The following NPAS2 variants were observed in gnomAD, a reference collection of about 807,000 sequenced individuals.
NPAS2 encodes neuronal PAS domain-containing protein 2.
In NPAS2, 23 loss-of-function variants were observed where a neutral mutation model predicts 107.5. That is an observed-to-expected ratio of 0.21 (90% CI 0.15 to 0.30). The LOEUF (loss-of-function observed/expected upper bound fraction) is 0.30. Among genes scored for constraint, NPAS2 ranks in the 10% least tolerant of loss-of-function variants. The pLI is 1.00. For missense variants in NPAS2, 756 were observed against 1,043.3 expected (o/e 0.72, Z 3.79); for synonymous variants, 403 against 417.5 (o/e 0.97, Z 0.42).
intron 2 of NPAS2, among the ~76,000 whole-genome samples, chr2:100,914,772 A>C (rs926761318): frequency 6.6e-6 from 1 of 152,204 alleles, no homozygotes; most frequent in African/African-American, 2.4e-5. Context: ...GGATCTTGGT[A>C]AGATGGAGTT....
At chr2:100,838,493 G>A (rs998717600) in intron 1 of NPAS2, among the ~76,000 whole-genome samples, 2 of 152,078 alleles carry the variant, frequency 1.3e-5, no homozygotes, top group Non-Finnish European at 2.9e-5. Flanking sequence ...ACCCAGGCTG[G>A]TCTCGAATTC....
At chr2:100,898,451 G>A (rs886594523) in intron 1 of NPAS2, among the ~76,000 whole-genome samples, 5 of 152,276 alleles carry the variant, frequency 3.3e-5, no homozygotes, top group African/African-American at 1.2e-4. Flanking sequence ...TAAGAACAAC[G>A]TTGGAAGGCC....
chr2:100,904,709 TA>T, intron 1 of NPAS2, 23 bp from the exon 2 acceptor site: 2 of 1,408,836 alleles, frequency 1.4e-6, no homozygotes, highest in Non-Finnish European at 1.9e-6. Context: ...CCATTCTTTT[TA>T]ATTTTTTTTT....
intron 7 of NPAS2, among the ~76,000 whole-genome samples, chr2:100,958,202 G>T (rs986025779): frequency 1.3e-5 from 2 of 152,040 alleles, no homozygotes; most frequent in African/African-American, 4.8e-5. Flanking sequence ...TTACCTACTC[G>T]CCTCTAACCG....
chr2:100,940,317 C>A (rs1451353070), intron 5 of NPAS2, among the ~76,000 whole-genome samples: 1 of 152,196 alleles, frequency 6.6e-6, no homozygotes, highest in Non-Finnish European at 1.5e-5. Context: ...CTTTCTGGTG[C>A]CCAGGATTTG....
rs373640373 is a variant in NPAS2 at position 100,990,417 on chromosome 2, C to T, written c.1989C>T (p.Ser663=). Residue 663 remains serine (S), a synonymous_variant, in exon 18 of 21, where the codon AGC becomes AGT. Coordinates refer to ENST00000335681, the MANE Select transcript of NPAS2 (RefSeq NM_002518.4). ...AGGATGCCAGCCAGTGCCAGCCCAG[C>T]CCAGACTTCAGCCATGATCGGCAGC... is the stretch of plus-strand genomic sequence containing the variant. ...TSQDASQCQP[S]PDFSHDRQLR... 1.2e-6 allele frequency: 2 copies of T among 1,614,196 alleles called. No individual in the cohort carries two copies.
intron 5 of NPAS2, among the ~76,000 whole-genome samples, chr2:100,945,619 GC>G (rs1464407387): frequency 6.6e-6 from 1 of 152,162 alleles, no homozygotes; most frequent in Non-Finnish European, 1.5e-5. Context: ...TCTCATCTGG[GC>G]CCTGCTTCCC....
At chr2:100,830,344 A>G (rs147892301) in intron 1 of NPAS2, among the ~76,000 whole-genome samples, 23 of 152,248 alleles carry the variant, frequency 1.5e-4, no homozygotes, top group East Asian at 9.7e-4. Flanking sequence ...TTTTTATACT[A>G]TAAGTTCTAG....
Position 100,937,812 on chromosome 2 carries a change from C to T in NPAS2, c.333C>T (p.Asp111=). The T allele has an allele frequency of 6.2e-7, 1 of 1,614,094 alleles. No individual in the cohort carries two copies. The highest frequency in any genetic ancestry group is 2.2e-5 in the East Asian group (1 of 44,880). Residue 111 remains aspartate (D), a synonymous_variant, in exon 5 of 21, where the codon GAC becomes GAT. Transcript: ENST00000335681. ...ACGGCAGCATCATCTATGTCTCTGA[C>T]AGTATCACGCCTCTCCTTGGGCATT... ...TTDGSIIYVS[D]SITPLLGHLP...
At position 100,948,197 on chromosome 2, in the gene NPAS2, G is replaced by A. The variant is rs748065624; in HGVS notation, c.364-38G>A. 72 of 1,600,502 alleles carry A rather than the reference G, an allele frequency of 4.5e-5. 1 individual carries two copies. In the South Asian group the frequency reaches 5.4e-4, roughly 12 times the overall value. On this transcript the variant is annotated intron_variant, in intron 5 of 20. Coordinates refer to ENST00000335681, the MANE Select transcript of NPAS2 (RefSeq NM_002518.4). ...GTTTTTGCTTCTGTTTTTCATCTTC[G>A]TTGAGGGTGTACCTTTGTCCTTTAT... is the stretch of plus-strand genomic sequence containing the variant.
rs1347368519 is a variant in NPAS2 at position 100,968,541 on chromosome 2, C to A, written c.1055+113C>A. ...GATCAGCAGTCACTCAGGTGTTCCCCATTTCGAAGATGAAGCCCAGGCCAT... is the reference window on the plus strand; with the variant it reads ...GATCAGCAGTCACTCAGGTGTTCCCAATTTCGAAGATGAAGCCCAGGCCAT... On this transcript the variant is annotated intron_variant, in intron 11 of 20. Transcript: ENST00000335681. The surrounding 1 kb of genome is among the most constrained non-coding windows in gnomAD (Gnocchi z 5.3). 3 of 1,030,368 alleles carry A rather than the reference C, an allele frequency of 2.9e-6. No individual in the cohort carries two copies. The African/African-American group carries it at 4.8e-5, about 17-fold the overall frequency. 63.8% of individuals were successfully genotyped at this position (1,030,368 alleles called of 1,614,324 possible).
chr2:100,979,502 A>T (rs13432624), intron 15 of NPAS2, among the ~76,000 whole-genome samples: 1,059 of 43,304 alleles, frequency 0.024, 26 homozygotes, highest in Middle Eastern at 0.045. Flanking sequence ...ATATATATAT[A>T]TTTTTTTTTT....
intron 1 of NPAS2, among the ~76,000 whole-genome samples, chr2:100,842,516 G>GAGTGTCAGTAA (rs1677505788): frequency 6.6e-6 from 1 of 152,132 alleles, no homozygotes; most frequent in East Asian, 1.9e-4. Flanking sequence ...GTCAGGGTGT[G>GAGTGTCAGTAA]AGTGTCAGTA....
intron 2 of NPAS2, among the ~76,000 whole-genome samples, chr2:100,921,552 T>C (rs1190103307): frequency 6.6e-6 from 1 of 152,092 alleles, no homozygotes; most frequent in African/African-American, 2.4e-5. Flanking sequence ...TCTCTTACTC[T>C]CTCTTTCTTA....
At position 100,919,135 on chromosome 2, in the gene NPAS2, C is replaced by T. The variant is rs935410027; in HGVS notation, c.33-6011C>T. ...TATGCTGGGTAGAAGCAGCCAGGCT[C>T]AAAAGGTTACATGCTATAGGATTAT... On this transcript the variant is annotated intron_variant, in intron 2 of 20. Coordinates refer to ENST00000335681, the MANE Select transcript of NPAS2 (RefSeq NM_002518.4). Among the ~76,000 whole-genome samples, 10 of 152,282 alleles carry T rather than the reference C, an allele frequency of 6.6e-5. No homozygotes were observed. In the East Asian group the frequency reaches 1.7e-3, roughly 27 times the overall value.
intron 7 of NPAS2, among the ~76,000 whole-genome samples, chr2:100,953,300 G>A (rs571708332): frequency 6.6e-6 from 1 of 151,526 alleles, no homozygotes; most frequent in African/African-American, 2.4e-5. Flanking sequence ...CTTGAACCCG[G>A]GAGGCGGAGG....
chr2:100,907,770 C>A, intron 2 of NPAS2, among the ~76,000 whole-genome samples: 1 of 152,128 alleles, frequency 6.6e-6, no homozygotes, highest in East Asian at 1.9e-4. Flanking sequence ...GTATTCCAAA[C>A]AAGGGCACGG....
chr2:100,948,463 C>T, intron 6 of NPAS2, 108 bp downstream of exon 6: 2 of 1,032,740 alleles, frequency 1.9e-6, no homozygotes, highest in Non-Finnish European at 2.7e-6. Context: ...AATAATTTTC[C>T]TCATGACTCA....
intron 1 of NPAS2, among the ~76,000 whole-genome samples, chr2:100,853,197 C>T (rs939778946): frequency 2.6e-5 from 4 of 152,200 alleles, no homozygotes; most frequent in Non-Finnish European, 5.9e-5. Flanking sequence ...CCAGAAGGCT[C>T]CTCTCAGCTT....
Sources: allele counts gnomAD v4.1 joint callset (sites outside exome capture counted in the v4.1 genomes callset), GRCh38; gene constraint gnomAD v4.1.1; non-coding constraint Gnocchi (gnomAD v3.1); transcripts MANE v1.5; gene names NCBI Gene and HGNC (gene_info 2026-07-23, HGNC 2026-07-21).